The following XPR1 variants were observed in gnomAD, a reference collection of about 807,000 sequenced individuals.
XPR1 encodes the protein solute carrier family 53 member 1.
XPR1 carries 28 observed loss-of-function variants against 87.5 expected under a neutral mutation model. The observed-to-expected ratio is 0.32, with a 90% CI of 0.24 to 0.44. XPR1 has a LOEUF of 0.44. Among genes scored for constraint, XPR1 ranks in the 20% least tolerant of loss-of-function variants. The pLI is 1.00. For synonymous variants in XPR1, 300 were observed against 306.1 expected (o/e 0.98, Z 0.21); for missense variants, 559 against 862.3 (o/e 0.65, Z 4.41).
intron 1 of XPR1, among the ~76,000 whole-genome samples, chr1:180,655,400 CTTTT>C (rs994780324): frequency 7.6e-6 from 1 of 131,440 alleles, no homozygotes. Context: ...CTCTCTCTCT[CTTTT>C]TTTTTTTTTT....
intron 10 of XPR1, 152 bp downstream of exon 10, chr1:180,835,197 T>C: frequency 1.2e-6 from 1 of 837,884 alleles, no homozygotes; most frequent in South Asian, 3.3e-5. Context: ...GTTAGCAGTC[T>C]CCTTATCTGA....
In XPR1 at chr1:180,824,890, CTCA is replaced by C; in HGVS notation, c.904_906del (p.Ile302del). 1 of 1,613,944 alleles carries C rather than the reference CTCA, an allele frequency of 6.2e-7. No homozygotes were observed. The highest frequency in any genetic ancestry group is 8.5e-7 in the Non-Finnish European group (1 of 1,179,974). ...GAGACAGGCTGGAGTAAACCATGTA[CTCA>C]TCTTTGAACTTAATCCGAGAAGCAA... On this transcript the variant is annotated inframe_deletion, in exon 8 of 15. Coordinates refer to ENST00000367590, the MANE Select transcript of XPR1 (RefSeq NM_004736.4).
intron 11 of XPR1, among the ~76,000 whole-genome samples, chr1:180,840,311 T>C (rs994758265): frequency 2.0e-5 from 3 of 151,868 alleles, no homozygotes; most frequent in Non-Finnish European, 4.4e-5. Context: ...AAATGGAAAT[T>C]TATATTACAT....
intron 2 of XPR1, among the ~76,000 whole-genome samples, chr1:180,687,366 A>G (rs939098013): frequency 3.3e-5 from 5 of 152,154 alleles, no homozygotes; most frequent in African/African-American, 1.2e-4. Flanking sequence ...CTTTTCTTTC[A>G]TTATCCAGAG....
intron 11 of XPR1, among the ~76,000 whole-genome samples, chr1:180,848,082 ATATT>A (rs1461121134): frequency 6.6e-6 from 1 of 152,180 alleles, no homozygotes; most frequent in Non-Finnish European, 1.5e-5. Flanking sequence ...ATAATTATAC[ATATT>A]TATAGGGTAC....
intron 6 of XPR1, among the ~76,000 whole-genome samples, chr1:180,809,266 G>A (rs1650120338): frequency 6.6e-6 from 1 of 152,184 alleles, no homozygotes; most frequent in African/African-American, 2.4e-5. Flanking sequence ...GTGGGGTAGG[G>A]TAGGCTGGGA....
intron 7 of XPR1, among the ~76,000 whole-genome samples, chr1:180,814,167 G>T (rs966330686): frequency 6.6e-6 from 1 of 152,084 alleles, no homozygotes; most frequent in South Asian, 2.1e-4. Flanking sequence ...AACCTACATT[G>T]TAATGGCTTT....
At position 180,824,859 on chromosome 1, in the gene XPR1, T is replaced by C. The variant is rs1054129278; in HGVS notation, c.870T>C (p.Tyr290=). 2 of 1,614,012 alleles carry C rather than the reference T, an allele frequency of 1.2e-6. No homozygotes were observed. The highest frequency in any genetic ancestry group is 2.7e-5 in the African/African-American group (2 of 74,928). ...EFLFLLGINT[Y]GWRQAGVNHV... The stretch of plus-strand genomic sequence containing the variant: ...TTTTTCTACTGGGCATCAACACGTA[T>C]GGTTGGAGACAGGCTGGAGTAAACC... The change falls in exon 8 of 15, where the codon TAT becomes TAC. Residue 290 remains tyrosine (Y), a synonymous_variant. Coordinates refer to ENST00000367590, the MANE Select transcript of XPR1 (RefSeq NM_004736.4).
At chr1:180,760,560 A>C (rs1371709391) in intron 2 of XPR1, among the ~76,000 whole-genome samples, 2 of 152,200 alleles carry the variant, frequency 1.3e-5, no homozygotes, top group African/African-American at 4.8e-5. Flanking sequence ...CTTACAAGGG[A>C]TGTGAAGGAC....
chr1:180,688,038 G>T (rs1040544704), intron 2 of XPR1, among the ~76,000 whole-genome samples: 1 of 147,604 alleles, frequency 6.8e-6, no homozygotes, highest in African/African-American at 2.5e-5. Flanking sequence ...AGATTATACA[G>T]TATGTTATTA....
intron 11 of XPR1, among the ~76,000 whole-genome samples, chr1:180,850,367 TCTCA>T (rs899227223): frequency 6.6e-6 from 1 of 152,204 alleles, no homozygotes; most frequent in Non-Finnish European, 1.5e-5. Context: ...TTATATTTCT[TCTCA>T]CTCCCTTTTT....
Position 180,866,811 on chromosome 1 carries a change from A to ATTT in XPR1, c.1668+2948_1668+2950dup, listed in dbSNP as rs71121055. Among the ~76,000 whole-genome samples, 1,192 of 141,120 alleles carry ATTT rather than the reference A, an allele frequency of 8.4e-3. 15 individuals are homozygous for ATTT. Among genetic ancestry groups the ATTT allele is most frequent in the African/African-American group, 0.03 (1,126 of 37,540 alleles). The allele number at this position is 141,120 out of a possible 152,430, so 92.6% of individuals were successfully genotyped here. A position where few individuals can be genotyped will look rare whatever the true frequency, so the allele number is the denominator to read the frequency against. On this transcript the variant is annotated intron_variant, in intron 12 of 14. Transcript: ENST00000367590. ...CATATTAGTTTATTTTTTTTTTTTA[A>ATTT]TTTTTTTTTTTTTATTATACTCTAA...
intron 2 of XPR1, among the ~76,000 whole-genome samples, chr1:180,747,709 A>G (rs1647316364): frequency 6.6e-6 from 1 of 152,258 alleles, no homozygotes; most frequent in Non-Finnish European, 1.5e-5. Context: ...GACAGCACAG[A>G]TATCTGTACA....
At chr1:180,822,213 C>CAG (rs1650658751) in intron 7 of XPR1, among the ~76,000 whole-genome samples, 1 of 152,178 alleles carries the variant, frequency 6.6e-6, no homozygotes, top group Non-Finnish European at 1.5e-5. Context: ...TCTGTCTGAT[C>CAG]TACTGCTGAC....
chr1:180,821,911 T>A (rs1020553282), intron 7 of XPR1, among the ~76,000 whole-genome samples: 2 of 152,246 alleles, frequency 1.3e-5, no homozygotes, highest in African/African-American at 4.8e-5. Context: ...AATTTACTAA[T>A]TCTAGTAGTT....
rs1038788589 is a variant in XPR1, at chr1:180,783,598, A to G, written c.122-4155A>G. On this transcript the variant is annotated intron_variant, in intron 2 of 14. Coordinates refer to ENST00000367590, the MANE Select transcript of XPR1 (RefSeq NM_004736.4). ...TATTTTCCATTAATGGGATCATGCT[A>G]TATATATTCTGTTATTTATTTTTTC... Among the ~76,000 whole-genome samples, 10 of 152,078 alleles carry G rather than the reference A, an allele frequency of 6.6e-5. No individual in the cohort carries two copies. In the East Asian group the frequency reaches 1.4e-3, roughly 21 times the overall value.
In XPR1 at chr1:180,861,963, G is replaced by A. The variant is rs1265033444; in HGVS notation, c.1502-1745G>A. 3.3e-5 allele frequency among the ~76,000 whole-genome samples: 5 copies of A among 151,940 alleles called. No homozygotes were observed. The East Asian group carries it at 7.7e-4, about 23-fold the overall frequency. Reference sequence around the variant, plus strand: ...AAGTACAATAAATACATCCAACCTCGAGAATAAAAGCAAAAATTAATAAAA... The same window carrying A: ...AAGTACAATAAATACATCCAACCTCAAGAATAAAAGCAAAAATTAATAAAA... On this transcript the variant is annotated intron_variant, in intron 11 of 14. Transcript: ENST00000367590.
intron 2 of XPR1, among the ~76,000 whole-genome samples, chr1:180,740,901 G>A (rs1215949232): frequency 1.3e-5 from 2 of 152,146 alleles, no homozygotes; most frequent in Non-Finnish European, 2.9e-5. Context: ...TCCTCACATG[G>A]TAAAAGGGGC....
chr1:180,863,941 A>G lies in XPR1; in HGVS notation c.1668+67A>G. 4 of 1,304,128 alleles carry G rather than the reference A, an allele frequency of 3.1e-6. No homozygotes were observed. The South Asian group carries it at 8.9e-5, about 29-fold the overall frequency. The allele number at this position is 1,304,128 out of a possible 1,614,324, so 80.8% of individuals were successfully genotyped here. A position where few individuals can be genotyped will look rare whatever the true frequency, so the allele number is the denominator to read the frequency against. On this transcript the variant is annotated intron_variant, in intron 12 of 14. Transcript: ENST00000367590. The stretch of plus-strand genomic sequence containing the variant: ...GTATACCACTAGCTAATCCTGTTGC[A>G]GTACAGACCCAACCTCTAATTATAT...
Sources: gnomAD v4.1 joint callset for allele counts (sites outside exome capture counted in the v4.1 genomes callset) on GRCh38, gnomAD v4.1.1 for gene constraint, MANE v1.5 for transcripts, NCBI Gene and HGNC (gene_info 2026-07-23, HGNC 2026-07-21) for gene names.